The following LARGE1 variants were observed in gnomAD, a reference collection of about 807,000 sequenced individuals.
LARGE1 encodes LARGE xylosyl- and glucuronyltransferase 1, also known as xylosyl- and glucuronyltransferase LARGE1.
In LARGE1, 43 loss-of-function variants were observed where a neutral mutation model predicts 87.6. That is an observed-to-expected ratio of 0.49 (90% CI 0.38 to 0.63). The LOEUF (loss-of-function observed/expected upper bound fraction) is 0.63. Among genes scored for constraint, LARGE1 ranks in the 30% least tolerant of loss-of-function variants. LARGE1 has a pLI of 0.00. For synonymous variants in LARGE1, 434 were observed against 394.6 expected, an observed-to-expected ratio of 1.10 and a Z score of -1.18; for missense variants, 802 against 1,000.2, an observed-to-expected ratio of 0.80 and a Z score of 2.67.
At chr22:33,077,071 T>A in the LARGE1 span, among the ~76,000 whole-genome samples, 1 of 152,188 alleles carries the variant, frequency 6.6e-6, no homozygotes, top group African/African-American at 2.4e-5. Flanking sequence ...TCAAAAGAGT[T>A]AATACACAAG....
At chr22:33,220,400 T>C (rs1925402187) in intron 11 of LARGE1, among the ~76,000 whole-genome samples, 1 of 151,368 alleles carries the variant, frequency 6.6e-6, no homozygotes, top group Non-Finnish European at 1.5e-5. Context: ...AACAGAAAAA[T>C]AAACAAGCAA....
intron 6 of LARGE1, among the ~76,000 whole-genome samples, chr22:33,521,080 G>A (rs1275819700): frequency 6.6e-6 from 1 of 152,220 alleles, no homozygotes; most frequent in Non-Finnish European, 1.5e-5. Flanking sequence ...GTTGCAAAAT[G>A]AGATGTCCCA....
Position 33,318,708 on chromosome 22 carries a change from G to A in LARGE1, c.1288-2460C>T, listed in dbSNP as rs184416808. Among the ~76,000 whole-genome samples, 482 of 151,680 alleles carry A rather than the reference G, an allele frequency of 3.2e-3. 1 individual carries two copies. Among genetic ancestry groups the A allele is most frequent in the African/African-American group, 0.011 (462 of 41,312 alleles). On this transcript the variant is annotated intron_variant, in intron 10 of 14. Transcript: ENST00000397394. ...CACATGTATACATATGTAACTAACC[G>A]GCACATTGTGCACATGTACCCTAAA...
intron 11 of LARGE1, among the ~76,000 whole-genome samples, chr22:33,215,602 G>A (rs939166826): frequency 6.6e-6 from 1 of 152,160 alleles, no homozygotes; most frequent in Non-Finnish European, 1.5e-5. Flanking sequence ...TCTCCTTTAT[G>A]ATTTGTGTGT....
intron 1 of LARGE1, among the ~76,000 whole-genome samples, chr22:33,862,213 C>G (rs11912171): frequency 0.012 from 1,894 of 152,214 alleles, 40 homozygotes; most frequent in African/African-American, 0.043. Flanking sequence ...GAGCTCACGG[C>G]AAGTGGTGAA....
intron 7 of LARGE1, among the ~76,000 whole-genome samples, chr22:33,424,622 C>T (rs746035683): frequency 1.3e-5 from 2 of 151,846 alleles, no homozygotes; most frequent in Admixed American, 6.6e-5. Flanking sequence ...GCTCAGGATT[C>T]GAGACCAGCC....
At chr22:33,282,861 C>T (rs753518176) in intron 13 of LARGE1, among the ~76,000 whole-genome samples, 1 of 152,132 alleles carries the variant, frequency 6.6e-6, no homozygotes, top group African/African-American at 2.4e-5. Context: ...AGGGAGAACT[C>T]GGAGCCAGGA....
At chr22:33,748,054 C>CAAAAAAAAAA (rs2084163861) in intron 2 of LARGE1, among the ~76,000 whole-genome samples, 2 of 106,948 alleles carry the variant, frequency 1.9e-5, no homozygotes, top group African/African-American at 9.8e-5. Context: ...AAAAAAAAAG[C>CAAAAAAAAAA]CAACTATCCA....
intron 3 of LARGE1, among the ~76,000 whole-genome samples, chr22:33,642,967 T>C (rs1465905007): frequency 6.6e-6 from 1 of 152,024 alleles, no homozygotes. Flanking sequence ...TAATACCCCA[T>C]TGTCAGTATT....
the LARGE1 span, among the ~76,000 whole-genome samples, chr22:33,120,356 CTTTTTCTT>C: frequency 6.9e-5 from 6 of 86,480 alleles, no homozygotes; most frequent in African/African-American, 3.0e-4. Context: ...TCTTTTCTTT[CTTTTTCTT>C]TCTTTCTTTC....
intron 2 of LARGE1, among the ~76,000 whole-genome samples, chr22:33,757,038 G>C (rs1432283379): frequency 6.6e-6 from 1 of 152,148 alleles, no homozygotes; most frequent in East Asian, 1.9e-4. Flanking sequence ...CAAGGAGTTG[G>C]GTTTAAGAAC....
At chr22:33,296,430 C>G (rs1933267819) in intron 12 of LARGE1, among the ~76,000 whole-genome samples, 1 of 152,170 alleles carries the variant, frequency 6.6e-6, no homozygotes, top group South Asian at 2.1e-4. Context: ...TTGGCAAATA[C>G]AAGCCATGAT....
intron 1 of LARGE1, among the ~76,000 whole-genome samples, chr22:33,784,529 T>A (rs1167634403): frequency 1.3e-5 from 2 of 152,086 alleles, no homozygotes; most frequent in African/African-American, 2.4e-5. Context: ...AAATGGAAGG[T>A]AAGGATTTCT....
At chr22:33,193,100 A>T (rs1923873116) in intron 11 of LARGE1, among the ~76,000 whole-genome samples, 1 of 151,586 alleles carries the variant, frequency 6.6e-6, no homozygotes, top group Non-Finnish European at 1.5e-5. Context: ...GTGTATGTGT[A>T]TGTGTGTGTG....
At chr22:33,420,471 C>T (rs111561635) in intron 7 of LARGE1, among the ~76,000 whole-genome samples, 19 of 152,208 alleles carry the variant, frequency 1.2e-4, no homozygotes, top group South Asian at 1.2e-3. Flanking sequence ...AGGTGGAAAA[C>T]GGAATAGCAT....
intron 11 of LARGE1, among the ~76,000 whole-genome samples, chr22:33,225,954 T>C (rs1925712634): frequency 6.6e-6 from 1 of 152,228 alleles, no homozygotes; most frequent in African/African-American, 2.4e-5. Flanking sequence ...CTTTATCCAG[T>C]CTACCATTGA....
chr22:33,632,002 G>C (rs1052780131), intron 3 of LARGE1, among the ~76,000 whole-genome samples: 1 of 152,194 alleles, frequency 6.6e-6, no homozygotes, highest in Non-Finnish European at 1.5e-5. Flanking sequence ...TGACTGTATA[G>C]ACATAACACT....
intron 3 of LARGE1, among the ~76,000 whole-genome samples, chr22:33,635,168 C>T (rs536954040): frequency 6.6e-6 from 1 of 151,968 alleles, no homozygotes; most frequent in East Asian, 1.9e-4. Flanking sequence ...TGGAGATTCA[C>T]TCCTTATCTA....
chr22:33,395,528 A>G lies in LARGE1; in HGVS notation c.893-11224T>C, dbSNP rs115879232. ...TTTAAAACTTTTTTAGCAAAGGGGA[A>G]TGCCTTAAGCTTGCATTATGAAAAC... On this transcript the variant is annotated intron_variant, in intron 7 of 14. Coordinates refer to ENST00000397394, the MANE Select transcript of LARGE1 (RefSeq NM_133642.5). 4.5e-3 allele frequency among the ~76,000 whole-genome samples: 681 copies of G among 152,326 alleles called. 9 individuals are homozygous for G. The highest frequency in any genetic ancestry group is 0.016 in the African/African-American group (653 of 41,576).
Sources: allele counts gnomAD v4.1 joint callset (sites outside exome capture counted in the v4.1 genomes callset), GRCh38; gene constraint gnomAD v4.1.1; transcripts MANE v1.5; gene names NCBI Gene and HGNC (gene_info 2026-07-23, HGNC 2026-07-21).